Variants in ANOS1 observed in about 807,000 individuals in gnomAD.
ANOS1 encodes anosmin-1.
Under a neutral mutation model 59.0 loss-of-function variants are expected in ANOS1, and 6 were observed. The observed-to-expected ratio is 0.10, with a 90% CI of 0.06 to 0.20. The LOEUF (loss-of-function observed/expected upper bound fraction) is 0.20, where lower values mean the gene tolerates loss of function less well. ANOS1 is among the 10% of genes least tolerant of loss of function. The pLI, the probability that ANOS1 is intolerant of heterozygous loss-of-function variation, is 1.00. For synonymous variants in ANOS1, 217 were observed against 223.4 expected (o/e 0.97, Z 0.25); for missense variants, 433 against 542.3 (o/e 0.80, Z 2.00).
At chrX:8,675,795 G>A (rs1017175910) in intron 2 of ANOS1, among the ~76,000 whole-genome samples, 15 of 107,942 alleles carry the variant, frequency 1.4e-4, no homozygotes, top group Non-Finnish European at 2.7e-4. Flanking sequence ...TGAACGTATC[G>A]ACCCATCACC....
chrX:8,626,340 T>C (rs959431177), intron 2 of ANOS1, among the ~76,000 whole-genome samples: 5 of 109,902 alleles, frequency 4.5e-5, no homozygotes, highest in African/African-American at 1.7e-4. Context: ...ATATTTCTCA[T>C]AAAAAAATTT....
At position 8,535,759 on chromosome X, in the gene ANOS1, G is replaced by A. The variant is rs1347210387; in HGVS notation, c.1674C>T (p.Phe558=). The change falls in exon 12 of 14, where the codon TTC becomes TTT. Residue 558 remains phenylalanine, a synonymous_variant. Transcript: ENST00000262648. ...CGGTGATGTTCACATCCTGGACGAT[G>A]AATGAAGCAGAAAGGTTCTCAGGCT... ...LAKPENLSAS[F]IVQDVNITGH... The A allele has an allele frequency of 3.3e-6, 4 of 1,211,699 alleles. No individual in the cohort carries two copies.
At chrX:8,725,709 C>T (rs1409135070) in intron 1 of ANOS1, among the ~76,000 whole-genome samples, 2 of 39,631 alleles carry the variant, frequency 5.0e-5, no homozygotes, top group Non-Finnish European at 8.5e-5. Flanking sequence ...TATATATATA[C>T]AGATATATAT....
intron 2 of ANOS1, among the ~76,000 whole-genome samples, chrX:8,663,699 G>T (rs1932079452): frequency 9.0e-6 from 1 of 111,497 alleles, no homozygotes; most frequent in South Asian, 3.8e-4. Context: ...CTGTGAAGAG[G>T]TAACTATGCC....
intron 1 of ANOS1, among the ~76,000 whole-genome samples, chrX:8,723,213 C>T (rs1047972053): frequency 4.4e-5 from 5 of 112,487 alleles, no homozygotes; most frequent in African/African-American, 1.6e-4. Context: ...ATAGGTGGGA[C>T]TTAATTAAAC....
intron 9 of ANOS1, among the ~76,000 whole-genome samples, chrX:8,541,942 C>T (rs1389862723): frequency 1.3e-5 from 1 of 76,908 alleles, no homozygotes; most frequent in Non-Finnish European, 2.5e-5. Flanking sequence ...GGCTTGGCTG[C>T]CCTGGGGATC....
rs202214074 is a variant in ANOS1, at chrX:8,666,846, C to G, written c.255+32852G>C. 4.7e-4 allele frequency among the ~76,000 whole-genome samples: 53 copies of G among 111,745 alleles called. 1 individual carries two copies. The East Asian group carries it at 0.014, about 29-fold the overall frequency. On this transcript the variant is annotated intron_variant, in intron 2 of 13. Transcript: ENST00000262648. Reference sequence around the variant, plus strand: ...TTCTTCATAACTGGAAATTTTGACTCTCACACAACTCACTTCACCTTGTAT... The same window carrying G: ...TTCTTCATAACTGGAAATTTTGACTGTCACACAACTCACTTCACCTTGTAT...
intron 4 of ANOS1, among the ~76,000 whole-genome samples, chrX:8,591,678 G>A (rs1466789140): frequency 1.8e-5 from 2 of 112,012 alleles, no homozygotes; most frequent in Non-Finnish European, 3.8e-5. Flanking sequence ...ATTAAAGTCA[G>A]TTGGCTCCTT....
rs890249453 is a variant in ANOS1, at chrX:8,633,294, A to G, written c.256-9624T>C. ...ACACGGGCCTCATTTTATCACAACT[A>G]CTTTTTCACAACAAAGGGAGTCCTT... is the stretch of plus-strand genomic sequence containing the variant. On this transcript the variant is annotated intron_variant, in intron 2 of 13. Coordinates refer to ENST00000262648, the MANE Select transcript of ANOS1 (RefSeq NM_000216.4). Among the ~76,000 whole-genome samples, 4 of 111,566 alleles carry G rather than the reference A, an allele frequency of 3.6e-5. No homozygotes were observed. In the Admixed American group the frequency reaches 3.8e-4, roughly 11 times the overall value.
At chrX:8,555,219 C>G (rs1396250378) in intron 8 of ANOS1, among the ~76,000 whole-genome samples, 2 of 111,650 alleles carry the variant, frequency 1.8e-5, no homozygotes, top group Admixed American at 1.9e-4. Context: ...CACTGGGACA[C>G]AGCTAAAGCA....
rs1048712685 is a variant in ANOS1 at position 8,698,927 on chromosome X, G to A, written c.255+771C>T. The stretch of plus-strand genomic sequence containing the variant: ...TTATATATTCCTTAGATTACTTGTT[G>A]TTTATAAAATAAGGTGTACTTCTAT... On this transcript the variant is annotated intron_variant, in intron 2 of 13. Coordinates refer to ENST00000262648, the MANE Select transcript of ANOS1 (RefSeq NM_000216.4). 6.3e-5 allele frequency among the ~76,000 whole-genome samples: 7 copies of A among 111,475 alleles called. No individual in the cohort carries two copies. The East Asian group carries it at 1.7e-3, about 26-fold the overall frequency.
intron 6 of ANOS1, among the ~76,000 whole-genome samples, chrX:8,578,096 T>C (rs1930359380): frequency 1.8e-5 from 2 of 111,482 alleles, no homozygotes; most frequent in African/African-American, 6.5e-5. Context: ...CAATAATGTC[T>C]ATAGATTAAA....
intron 2 of ANOS1, among the ~76,000 whole-genome samples, chrX:8,639,780 C>A (rs1484641397): frequency 8.9e-6 from 1 of 112,073 alleles, no homozygotes; most frequent in Non-Finnish European, 1.9e-5. Flanking sequence ...TTGGAGGTTA[C>A]ACATCTGTCA....
Position 8,554,554 on chromosome X carries a change from T to TG in ANOS1, c.1208-457_1208-456insC, listed in dbSNP as rs1225008369. Among the ~76,000 whole-genome samples the TG allele has an allele frequency of 8.3e-3, 803 of 97,261 alleles. 6 individuals are homozygous for TG. The highest frequency in any genetic ancestry group is 0.03 in the African/African-American group (770 of 25,626). The allele number at this position is 97,261 out of a possible 115,157, so 84.5% of individuals were successfully genotyped here. ...GCTGGCTACAGGAGTTTTTTTTTTT[T>TG]TTTTTTTTTTTTTTTTGTTGTTGTT... On this transcript the variant is annotated intron_variant, in intron 8 of 13. Transcript: ENST00000262648.
chrX:8,587,435 T>G (rs1485659061), intron 5 of ANOS1, among the ~76,000 whole-genome samples: 3 of 112,013 alleles, frequency 2.7e-5, no homozygotes, highest in Non-Finnish European at 5.6e-5. Flanking sequence ...GCATTTAGAT[T>G]ATTAAATGTC....
chrX:8,641,998 A>C (rs1379850027), intron 2 of ANOS1, among the ~76,000 whole-genome samples: 2 of 111,776 alleles, frequency 1.8e-5, no homozygotes, highest in Non-Finnish European at 3.8e-5. Context: ...AAAATCTCAG[A>C]ATAAAATAAA....
chrX:8,672,153 CACACATGCACAT>C (rs1464394670), intron 2 of ANOS1, among the ~76,000 whole-genome samples: 1 of 108,689 alleles, frequency 9.2e-6, no homozygotes, highest in African/African-American at 3.5e-5. Flanking sequence ...TTTACATATA[CACACATGCACAT>C]ACACACACAC....
chrX:8,649,788 T>C (rs768166699), intron 2 of ANOS1, among the ~76,000 whole-genome samples: 1 of 112,090 alleles, frequency 8.9e-6, no homozygotes, highest in Admixed American at 9.4e-5. Flanking sequence ...CTACATCTTC[T>C]GGGTGCAACA....
chrX:8,639,668 A>C (rs1390946464), intron 2 of ANOS1, among the ~76,000 whole-genome samples: 1 of 112,595 alleles, frequency 8.9e-6, no homozygotes, highest in Admixed American at 9.4e-5. Flanking sequence ...TTTAAAGAGG[A>C]AATGTGATAG....
Sources: allele counts gnomAD v4.1 joint callset (sites outside exome capture counted in the v4.1 genomes callset), GRCh38; gene constraint gnomAD v4.1.1; transcripts MANE v1.5; gene names NCBI Gene and HGNC (gene_info 2026-07-23, HGNC 2026-07-21).